Variants in ZZEF1 observed in about 807,000 individuals in gnomAD.
ZZEF1 encodes zinc finger ZZ-type and EF-hand domain containing 1.
A neutral mutation model predicts 342.8 loss-of-function variants in ZZEF1; 157 were observed. That is an observed-to-expected ratio of 0.46 (90% CI 0.40 to 0.52). The LOEUF (loss-of-function observed/expected upper bound fraction) is 0.52. ZZEF1 is among the 20% of genes least tolerant of loss of function. The probability of loss-of-function intolerance (pLI) is 0.00; values close to 1 mark genes in which losing one functional copy is unlikely to be tolerated. For synonymous variants in ZZEF1, 1,505 were observed against 1,429.1 expected, an observed-to-expected ratio of 1.05 and a Z score of -1.20; for missense variants, 3,480 against 3,725.6, an observed-to-expected ratio of 0.93 and a Z score of 1.72.
intron 11 of ZZEF1, among the ~76,000 whole-genome samples, chr17:4,091,847 C>G (rs1308427931): frequency 6.6e-6 from 1 of 151,238 alleles, no homozygotes; most frequent in East Asian, 2.0e-4. Context: ...GAGGCTGAGG[C>G]AGGCAGAGCA....
chr17:4,042,656 CT>C lies in ZZEF1; in HGVS notation c.6167-89del, dbSNP rs376818308. The C allele has an allele frequency of 1.0e-3, 1,299 of 1,297,898 alleles. 10 individuals are homozygous for C. In the African/African-American group the frequency reaches 0.018, roughly 18 times the overall value. The allele number at this position is 1,297,898 out of a possible 1,614,324, so 80.4% of individuals were successfully genotyped here. A position where few individuals can be genotyped will look rare whatever the true frequency, so the allele number is the denominator to read the frequency against. ...AACCACTGCACTGTCCCCTGTGCTG[CT>C]ACGGAATAAAGCTGGGATTTTATTC... is the stretch of plus-strand genomic sequence containing the variant. On this transcript the variant is annotated intron_variant, in intron 38 of 54. Transcript: ENST00000381638.
chr17:4,054,334 C>T, intron 33 of ZZEF1, 139 bp from the exon 34 acceptor site: 1 of 914,526 alleles, frequency 1.1e-6, no homozygotes, highest in Non-Finnish European at 1.6e-6. Flanking sequence ...TGAATAAGCT[C>T]CTCAGTGTCT....
intron 21 of ZZEF1, 22 bp from the exon 22 acceptor site, chr17:4,075,451 G>C (rs764294699): frequency 6.8e-6 from 11 of 1,610,438 alleles, no homozygotes; most frequent in Admixed American, 1.7e-5. Context: ...AATGAGCCAG[G>C]GGAAAGAAAG....
chr17:4,120,140 G>A (rs1360570382), intron 2 of ZZEF1, among the ~76,000 whole-genome samples: 2 of 151,968 alleles, frequency 1.3e-5, no homozygotes, highest in African/African-American at 4.8e-5. Context: ...GGCAGATCAC[G>A]AGGTCAGGAG....
At chr17:4,078,374 CA>C (rs1248306428) in intron 18 of ZZEF1, among the ~76,000 whole-genome samples, 2 of 152,206 alleles carry the variant, frequency 1.3e-5, no homozygotes, top group African/African-American at 4.8e-5. Context: ...AGCCTTTAAT[CA>C]AACCTCTCCC....
At chr17:4,023,303 C>T (rs745751637) in intron 43 of ZZEF1, among the ~76,000 whole-genome samples, 1 of 152,162 alleles carries the variant, frequency 6.6e-6, no homozygotes, top group African/African-American at 2.4e-5. Context: ...CCCCTGTTGT[C>T]TCTCTTGCCG....
intron 39 of ZZEF1, among the ~76,000 whole-genome samples, chr17:4,041,200 T>C (rs1179103612): frequency 6.6e-6 from 1 of 152,156 alleles, no homozygotes; most frequent in Non-Finnish European, 1.5e-5. Flanking sequence ...ATCTTCAAAA[T>C]ATCCTGTTCT....
At chr17:4,096,093 T>C in intron 10 of ZZEF1, 114 bp from the exon 11 acceptor site, 1 of 1,183,878 alleles carries the variant, frequency 8.4e-7, no homozygotes, top group Non-Finnish European at 1.2e-6. Flanking sequence ...CAATGAAAAA[T>C]ATTTCAAACA....
intron 17 of ZZEF1, among the ~76,000 whole-genome samples, chr17:4,081,850 A>G (rs1239649869): frequency 6.6e-6 from 1 of 152,246 alleles, no homozygotes; most frequent in Non-Finnish European, 1.5e-5. Flanking sequence ...GGACGGCCCC[A>G]GGCCCTTTCA....
At chr17:4,076,474 G>A in intron 21 of ZZEF1, 163 bp downstream of exon 21, 1 of 889,378 alleles carries the variant, frequency 1.1e-6, no homozygotes, top group Non-Finnish European at 1.6e-6. Flanking sequence ...ACATCGACTT[G>A]GACTGACATT....
intron 21 of ZZEF1, among the ~76,000 whole-genome samples, 200 bp from the exon 22 acceptor site, chr17:4,075,629 G>A (rs1239488470): frequency 6.6e-6 from 1 of 152,146 alleles, no homozygotes; most frequent in African/African-American, 2.4e-5. Flanking sequence ...CCGAGGAGAT[G>A]TGCTTTTATT....
chr17:4,021,092 A>G, intron 45 of ZZEF1, 37 bp downstream of exon 45: 5 of 1,549,296 alleles, frequency 3.2e-6, no homozygotes, highest in Middle Eastern at 1.8e-4. Context: ...ATCCCTCAGA[A>G]GCCCCTCCTA....
intron 6 of ZZEF1, among the ~76,000 whole-genome samples, chr17:4,106,013 G>T (rs1220183523): frequency 6.6e-6 from 1 of 151,966 alleles, no homozygotes; most frequent in African/African-American, 2.4e-5. Context: ...GCAGTGGTGC[G>T]ATCTCGGCTC....
intron 52 of ZZEF1, among the ~76,000 whole-genome samples, chr17:4,010,743 A>G (rs1219883869): frequency 5.1e-5 from 6 of 117,892 alleles, no homozygotes; most frequent in Admixed American, 1.8e-4. Context: ...AAAGAAAAAG[A>G]AAAAAGAAAA....
intron 28 of ZZEF1, among the ~76,000 whole-genome samples, chr17:4,066,058 C>T (rs2057386447): frequency 6.6e-6 from 1 of 151,988 alleles, no homozygotes. Context: ...TCCCAGCTAC[C>T]CGGTAGGCTA....
At chr17:4,076,544 G>A in intron 21 of ZZEF1, 93 bp downstream of exon 21, 1 of 1,492,934 alleles carries the variant, frequency 6.7e-7, no homozygotes, top group Non-Finnish European at 9.0e-7. Context: ...CTGCTCAGCT[G>A]TGCCTATCTG....
intron 2 of ZZEF1, among the ~76,000 whole-genome samples, chr17:4,119,350 C>A (rs1424916289): frequency 6.6e-6 from 1 of 152,190 alleles, no homozygotes; most frequent in African/African-American, 2.4e-5. Context: ...GATGGTGGCA[C>A]CAATGTCTGC....
chr17:4,128,374 A>G lies in ZZEF1; in HGVS notation c.355-4323T>C, dbSNP rs555304522. On this transcript the variant is annotated intron_variant, in intron 1 of 54. Transcript: ENST00000381638. The stretch of plus-strand genomic sequence containing the variant: ...AAAAAAAAAAAAAAAAAAAAAGACA[A>G]CTAGGAGAAAAGACAGACAATGCAG... Among the ~76,000 whole-genome samples, 32 of 149,570 alleles carry G rather than the reference A, an allele frequency of 2.1e-4. 1 individual carries two copies. The East Asian group carries it at 3.9e-3, about 18-fold the overall frequency.
intron 14 of ZZEF1, 116 bp from the exon 15 acceptor site, chr17:4,086,771 G>C: frequency 1.1e-6 from 1 of 925,440 alleles, no homozygotes; most frequent in Non-Finnish European, 1.6e-6. Flanking sequence ...TGAAAATAAT[G>C]CCAACTGATG....
Sources: allele counts gnomAD v4.1 joint callset (sites outside exome capture counted in the v4.1 genomes callset), GRCh38; gene constraint gnomAD v4.1.1; transcripts MANE v1.5; gene names NCBI Gene and HGNC (gene_info 2026-07-23, HGNC 2026-07-21).